Variants in ZNF627 observed in about 807,000 individuals in gnomAD.
The protein encoded by ZNF627 is zinc finger protein 627.
ZNF627 carries 12 observed loss-of-function variants against 10.6 expected under a neutral mutation model. The observed-to-expected ratio is 1.13, with a 90% confidence interval of 0.73 to 1.84. ZNF627 has a LOEUF of 1.84. Among genes scored for constraint, ZNF627 ranks in the 40% most tolerant of loss-of-function variants. The pLI is 0.00. For missense variants in ZNF627, 504 were observed against 568.4 expected, an observed-to-expected ratio of 0.89 and a Z score of 1.15; for synonymous variants, 176 against 187.1, an observed-to-expected ratio of 0.94 and a Z score of 0.48.
At chr19:11,611,401 T>C (rs1280817211) in intron 1 of ZNF627, among the ~76,000 whole-genome samples, 2 of 152,178 alleles carry the variant, frequency 1.3e-5, no homozygotes, top group African/African-American at 2.4e-5. Flanking sequence ...TGATCCGAGC[T>C]CACCCCAGTC....
rs754129542 is a variant in ZNF627, at chr19:11,617,193, A to G, written c.690A>G (p.Lys230=). 1.4e-5 allele frequency: 22 copies of G among 1,613,908 alleles called. No homozygotes were observed. The highest frequency in any genetic ancestry group is 1.3e-4 in the South Asian group (12 of 91,090). The part of the protein sequence containing the change: ...EKPYECKQCG[K]AFSCSSYIRI... ...CTTATGAATGCAAGCAATGTGGGAA[A>G]GCCTTCAGTTGTTCCAGTTACATTA... Residue 230 remains lysine, a synonymous_variant, in exon 4 of 4, where the codon AAA becomes AAG. Coordinates refer to ENST00000361113, the MANE Select transcript of ZNF627 (RefSeq NM_145295.4).
chr19:11,607,117 C>G (rs1307309632), intron 1 of ZNF627, among the ~76,000 whole-genome samples: 5 of 152,100 alleles, frequency 3.3e-5, no homozygotes, highest in Admixed American at 1.3e-4. Flanking sequence ...GAATTTCTCC[C>G]CAGAAAATGG....
At chr19:11,609,474 T>C (rs1273107936) in intron 1 of ZNF627, among the ~76,000 whole-genome samples, 1 of 6,168 alleles carries the variant, frequency 1.6e-4, no homozygotes, top group Non-Finnish European at 2.8e-4. Context: ...AAAAATTTTA[T>C]ATATATATAT....
intron 1 of ZNF627, among the ~76,000 whole-genome samples, chr19:11,601,662 T>A (rs1481869092): frequency 6.6e-6 from 1 of 152,010 alleles, no homozygotes; most frequent in Non-Finnish European, 1.5e-5. Context: ...CAGACAGGAA[T>A]GACTATTCTA....
Position 11,616,743 on chromosome 19 carries a change from A to G in ZNF627, c.240A>G (p.Glu80=), listed in dbSNP as rs1973874327. The G allele has an allele frequency of 1.2e-6, 2 of 1,610,092 alleles. No individual in the cohort carries two copies. Among genetic ancestry groups the G allele is most frequent in the African/African-American group, 1.3e-5 (1 of 74,916 alleles). ...AAAGTAAAGAAGGTGGTCAAGGTGA[A>G]GAAACCTTCAGCCAGATTCCAGATG... ...LCESKEGGQG[E]ETFSQIPDGI... Residue 80 remains glutamate, a synonymous_variant, in exon 4 of 4, where the codon GAA becomes GAG. Coordinates refer to ENST00000361113, the MANE Select transcript of ZNF627 (RefSeq NM_145295.4).
Position 11,614,860 on chromosome 19 carries a change from C to A in ZNF627, c.164C>A (p.Pro55Gln). 6.2e-7 allele frequency: 1 copy of A among 1,607,200 alleles called. No individual in the cohort carries two copies. The highest frequency in any genetic ancestry group is 1.7e-5 in the Admixed American group (1 of 58,908). The part of the protein sequence containing the change: ...KQWEDQNIED[P>Q]FKIPRRNISH... The stretch of plus-strand genomic sequence containing the variant: ...TGGGAAGACCAGAACATTGAAGACC[C>A]ATTCAAAATTCCCAGGAGAAATATA... The change falls in exon 3 of 4, where the codon CCA (proline) becomes CAA (glutamine). Residue 55 changes from proline to glutamine, a missense_variant. By Grantham distance (76) the Pro-to-Gln change is moderately conservative. Coordinates refer to ENST00000361113, the MANE Select transcript of ZNF627 (RefSeq NM_145295.4).
At chr19:11,613,508 A>T (rs201461107) in intron 1 of ZNF627, among the ~76,000 whole-genome samples, 89 of 52,176 alleles carry the variant, frequency 1.7e-3, no homozygotes, top group South Asian at 5.3e-3. Flanking sequence ...CTTTTTTTTT[A>T]AAAAACAGCT....
intron 1 of ZNF627, among the ~76,000 whole-genome samples, chr19:11,607,327 G>A (rs1973692546): frequency 6.6e-6 from 1 of 151,788 alleles, no homozygotes; most frequent in Non-Finnish European, 1.5e-5. Flanking sequence ...GTAGAGAAGG[G>A]GTTTCTCTAT....
In ZNF627 at chr19:11,614,625, G is replaced by A; in HGVS notation, c.102G>A (p.Arg34=). ...SQKNLYRDVM[R]ETFRNLASVG... is the part of the protein sequence containing the mutation. ...AGAATCTCTACAGGGATGTGATGCGGGAAACCTTCAGGAACCTGGCTTCTG... is the reference window on the plus strand; with the variant it reads ...AGAATCTCTACAGGGATGTGATGCGAGAAACCTTCAGGAACCTGGCTTCTG... Residue 34 remains arginine, a synonymous_variant, in exon 2 of 4, where the codon CGG becomes CGA. Transcript: ENST00000361113. 6.2e-7 allele frequency: 1 copy of A among 1,613,884 alleles called. No homozygotes were observed. The highest frequency in any genetic ancestry group is 8.5e-7 in the Non-Finnish European group (1 of 1,179,988).
At chr19:11,603,940 T>G (rs1973630980) in intron 1 of ZNF627, among the ~76,000 whole-genome samples, 1 of 151,510 alleles carries the variant, frequency 6.6e-6, no homozygotes, top group African/African-American at 2.4e-5. Context: ...CCCAAGTAGC[T>G]GGGACCACAG....
chr19:11,597,942 A>G (rs112319732), intron 1 of ZNF627, among the ~76,000 whole-genome samples: 1 of 152,226 alleles, frequency 6.6e-6, no homozygotes, highest in African/African-American at 2.4e-5. Context: ...CGCCCCCCAC[A>G]GTCCCGCCTT....
intron 1 of ZNF627, among the ~76,000 whole-genome samples, chr19:11,612,445 A>C (rs1186406251): frequency 1.6e-5 from 1 of 61,440 alleles, no homozygotes; most frequent in African/African-American, 6.8e-5. Context: ...TTTTTTTGAG[A>C]CAGAGTCTCA....
At chr19:11,601,487 G>A (rs1010110992) in intron 1 of ZNF627, among the ~76,000 whole-genome samples, 2 of 152,046 alleles carry the variant, frequency 1.3e-5, no homozygotes, top group African/African-American at 2.4e-5. Context: ...CTAAAGGCAT[G>A]TGCCATGATG....
At chr19:11,603,089 A>T (rs1428853804) in intron 1 of ZNF627, among the ~76,000 whole-genome samples, 1 of 152,114 alleles carries the variant, frequency 6.6e-6, no homozygotes, top group African/African-American at 2.4e-5. Context: ...AGTTATTACC[A>T]TTAATATTAT....
chr19:11,617,284 A>G lies in ZNF627; in HGVS notation c.781A>G (p.Ser261Gly), dbSNP rs1449302797. Residue 261 changes from serine (S) to glycine (G), a missense_variant, in exon 4 of 4, where the codon AGT (serine) becomes GGT (glycine). Ser to Gly is a moderately conservative substitution (Grantham distance 56). Transcript: ENST00000361113. ...YECKQCGKAF[S>G]CSKYIRIHER... ...ATGCAAGCAGTGTGGGAAAGCTTTC[A>G]GTTGTTCCAAGTACATTCGAATCCA... 1 of 1,614,004 alleles carries G rather than the reference A, an allele frequency of 6.2e-7. No homozygotes were observed. The highest frequency in any genetic ancestry group is 8.5e-7 in the Non-Finnish European group (1 of 1,180,004).
intron 1 of ZNF627, among the ~76,000 whole-genome samples, chr19:11,608,372 A>C (rs1311078492): frequency 1.3e-5 from 2 of 152,182 alleles, no homozygotes; most frequent in South Asian, 2.1e-4. Context: ...CCAGATGTCA[A>C]CTTCCCCTCT....
rs771335817 is a variant in ZNF627, at chr19:11,617,493, T to G, written c.990T>G (p.Thr330=). 6.2e-7 allele frequency: 1 copy of G among 1,612,778 alleles called. No homozygotes were observed. Among genetic ancestry groups the G allele is most frequent in the Non-Finnish European group, 8.5e-7 (1 of 1,179,668 alleles). ...TTAGAAGACACATGATAAAGCACAC[T>G]GGCAATGGACCTTATAAATGTAAGG... ...ASVRRHMIKH[T]GNGPYKCKVC... is the part of the protein sequence containing the mutation. The change falls in exon 4 of 4, where the codon ACT becomes ACG. Residue 330 remains threonine, a synonymous_variant. Transcript: ENST00000361113.
intron 1 of ZNF627, among the ~76,000 whole-genome samples, chr19:11,602,441 A>G (rs1417666374): frequency 1.3e-5 from 2 of 152,226 alleles, no homozygotes. Context: ...TGCAGAATAC[A>G]AAAGACGGGG....
At chr19:11,612,041 G>C (rs1276740150) in intron 1 of ZNF627, among the ~76,000 whole-genome samples, 1 of 146,442 alleles carries the variant, frequency 6.8e-6, no homozygotes, top group Non-Finnish European at 1.5e-5. Flanking sequence ...TCTAAGAGTT[G>C]TTTAGTTTTA....
Sources: gnomAD v4.1 joint callset for allele counts (sites outside exome capture counted in the v4.1 genomes callset) on GRCh38, gnomAD v4.1.1 for gene constraint, MANE v1.5 for transcripts, NCBI Gene and HGNC (gene_info 2026-07-23, HGNC 2026-07-21) for gene names.